The following OPRM1 variants were observed in gnomAD, a reference collection of about 807,000 sequenced individuals.
The protein encoded by OPRM1 is mu-type opioid receptor.
In OPRM1, 27 loss-of-function variants were observed where a neutral mutation model predicts 31.8. That is an observed-to-expected ratio of 0.85 (90% CI 0.63 to 1.17). OPRM1 has a LOEUF of 1.17. Among genes scored for constraint, OPRM1 ranks in the 50% most tolerant of loss-of-function variants. OPRM1 has a pLI of 0.00. For synonymous variants in OPRM1, 196 were observed against 189.9 expected, an observed-to-expected ratio of 1.03 and a Z score of -0.26; for missense variants, 536 against 511.1, an observed-to-expected ratio of 1.05 and a Z score of -0.47.
intron 1 of OPRM1, among the ~76,000 whole-genome samples, chr6:154,029,792 A>C (rs1342402335): frequency 6.6e-6 from 1 of 152,146 alleles, no homozygotes; most frequent in Non-Finnish European, 1.5e-5. Flanking sequence ...ATGAGTTATC[A>C]TGAGATCTGA....
intron 3 of OPRM1, among the ~76,000 whole-genome samples, chr6:154,194,786 A>G (rs1382563646): frequency 6.7e-6 from 1 of 149,598 alleles, no homozygotes; most frequent in Non-Finnish European, 1.5e-5. Context: ...ATGACAACTC[A>G]TAGAGATCTT....
chr6:154,082,486 C>T (rs1275002967), intron 1 of OPRM1, among the ~76,000 whole-genome samples: 2 of 152,078 alleles, frequency 1.3e-5, no homozygotes, highest in Admixed American at 6.5e-5. Context: ...TATGTTTGCA[C>T]TTCTACAAAA....
At chr6:154,167,357 G>T (rs1799523945) in intron 3 of OPRM1, among the ~76,000 whole-genome samples, 1 of 152,136 alleles carries the variant, frequency 6.6e-6, no homozygotes, top group East Asian at 1.9e-4. Flanking sequence ...ACATCTGCTG[G>T]TCTATTACCA....
intron 3 of OPRM1, among the ~76,000 whole-genome samples, chr6:154,171,066 TC>T (rs1799830765): frequency 6.6e-6 from 1 of 152,152 alleles, no homozygotes; most frequent in African/African-American, 2.4e-5. Flanking sequence ...AAATAGTTTG[TC>T]CATTTCTCAT....
chr6:154,104,242 T>C (rs1795268890), intron 3 of OPRM1, among the ~76,000 whole-genome samples: 1 of 152,212 alleles, frequency 6.6e-6, no homozygotes, highest in South Asian at 2.1e-4. Flanking sequence ...CAACAACAGA[T>C]GATATCTGGA....
chr6:154,107,041 A>C (rs1171587251), intron 3 of OPRM1, among the ~76,000 whole-genome samples: 1 of 152,226 alleles, frequency 6.6e-6, no homozygotes, highest in Admixed American at 6.5e-5. Flanking sequence ...TTTCTAAGCC[A>C]ATTAATCAGA....
At chr6:154,211,233 G>A (rs112187847) in intron 3 of OPRM1, among the ~76,000 whole-genome samples, 15 of 151,984 alleles carry the variant, frequency 9.9e-5, no homozygotes, top group African/African-American at 3.1e-4. Flanking sequence ...TGGCTAACAC[G>A]GTGAAATCCC....
intron 3 of OPRM1, among the ~76,000 whole-genome samples, chr6:154,142,469 C>T (rs1231937281): frequency 2.6e-5 from 4 of 152,068 alleles, no homozygotes; most frequent in African/African-American, 9.7e-5. Flanking sequence ...CTCCAGTAAA[C>T]ACACTGTGTA....
chr6:154,108,711 C>CT, intron 3 of OPRM1: 1 of 892,442 alleles, frequency 1.1e-6, no homozygotes, highest in Non-Finnish European at 1.3e-6. Flanking sequence ...TCTCTAACAC[C>CT]CTAAATCTTA....
intron 3 of OPRM1, among the ~76,000 whole-genome samples, chr6:154,097,044 A>G (rs1166254382): frequency 6.6e-6 from 1 of 152,232 alleles, no homozygotes; most frequent in Non-Finnish European, 1.5e-5. Context: ...ATTGACATGA[A>G]TGTTTTCACC....
chr6:154,246,568 TAGG>T, intron 3 of OPRM1: 1 of 1,596,828 alleles, frequency 6.3e-7, no homozygotes, highest in South Asian at 1.1e-5. Context: ...CGGCTGGGAA[TAGG>T]AGGAAGAAAG....
chr6:154,191,547 G>A (rs576264636), intron 3 of OPRM1, among the ~76,000 whole-genome samples: 25 of 151,792 alleles, frequency 1.6e-4, no homozygotes, highest in African/African-American at 3.4e-4. Context: ...GGTGGCGAGC[G>A]CCTATAGTCC....
At chr6:154,205,090 G>A (rs773824907) in intron 3 of OPRM1, among the ~76,000 whole-genome samples, 1 of 152,152 alleles carries the variant, frequency 6.6e-6, no homozygotes, top group Admixed American at 6.5e-5. Context: ...AGAGCAGACA[G>A]AGCAGTATCC....
chr6:154,223,298 T>A, intron 3 of OPRM1: 5 of 1,324,808 alleles, frequency 3.8e-6, no homozygotes, highest in Non-Finnish European at 5.4e-6. Context: ...TGGGGATTAG[T>A]GCATTGAGAT....
Position 154,168,259 on chromosome 6 carries a change from G to T in OPRM1, c.1164+76787G>T. 1 of 589,920 alleles carries T rather than the reference G, an allele frequency of 1.7e-6. No homozygotes were observed. The highest frequency in any genetic ancestry group is 2.8e-6 in the Non-Finnish European group (1 of 353,688). The allele number at this position is 589,920 out of a possible 1,614,324, so 36.5% of individuals were successfully genotyped here. On this transcript the variant is annotated intron_variant, in intron 3 of 3. Coordinates refer to the OPRM1 transcript ENST00000337049. This position sits in a 1 kb window ranked among gnomAD's most constrained non-coding sequence, Gnocchi z 4.1. ...CGGAACTGAAAGACAATAAATGTTT[G>T]CTGTCTAAGCCACCCAGTTTGCGAT...
chr6:154,151,027 C>T (rs1252424371), intron 3 of OPRM1, among the ~76,000 whole-genome samples: 1 of 152,244 alleles, frequency 6.6e-6, no homozygotes, highest in Non-Finnish European at 1.5e-5. Flanking sequence ...CTGGTCCACC[C>T]TCTTCCTCCT....
At chr6:154,035,631 G>A (rs1451068142), upstream of OPRM1, among the ~76,000 whole-genome samples, 3 of 152,024 alleles carry the variant, frequency 2.0e-5, no homozygotes, top group Non-Finnish European at 4.4e-5. Flanking sequence ...AACAGAATCA[G>A]GACTAAGCTA....
intron 3 of OPRM1, chr6:154,217,043 G>A (rs1418879886): frequency 6.2e-6 from 1 of 160,168 alleles, no homozygotes; most frequent in Non-Finnish European, 1.4e-5. Flanking sequence ...GCTATCAAAG[G>A]TATGCATATA....
rs1797397155 is a variant in OPRM1, at chr6:154,123,187, C to G, written c.*4466C>G. 6.6e-6 allele frequency among the ~76,000 whole-genome samples: 1 copy of G among 152,170 alleles called. No individual in the cohort carries two copies. The highest frequency in any genetic ancestry group is 2.4e-5 in the African/African-American group (1 of 41,438). ...AAGCTGTCTGTACAACTGCCTCTAT[C>G]TATGCAGCTATGGGGTGTCTCTAGG... On this transcript the variant is annotated 3_prime_UTR_variant, in exon 4 of 4. Coordinates refer to ENST00000330432, the MANE Select transcript of OPRM1 (RefSeq NM_000914.5).
Sources: gnomAD v4.1 joint callset for allele counts (sites outside exome capture counted in the v4.1 genomes callset) on GRCh38, gnomAD v4.1.1 for gene constraint, Gnocchi (gnomAD v3.1) non-coding constraint, MANE v1.5 for transcripts, NCBI Gene and HGNC (gene_info 2026-07-23, HGNC 2026-07-21) for gene names.